The following LRP2 variants were observed in gnomAD, a reference collection of about 807,000 sequenced individuals.
The protein encoded by LRP2 is LDL receptor related protein 2.
A neutral mutation model predicts 531.0 loss-of-function variants in LRP2; 172 were observed. The observed-to-expected ratio is 0.32, with a 90% CI of 0.29 to 0.37. LRP2 has a LOEUF of 0.37. LRP2 is among the 10% of genes least tolerant of loss of function. The pLI is 1.00. For synonymous variants in LRP2, 1,992 were observed against 2,027.6 expected, an observed-to-expected ratio of 0.98 and a Z score of 0.47; for missense variants, 5,167 against 5,868.3, an observed-to-expected ratio of 0.88 and a Z score of 3.90.
chr2:169,259,494 C>T (rs1690453771), intron 16 of LRP2, among the ~76,000 whole-genome samples: 1 of 151,910 alleles, frequency 6.6e-6, no homozygotes, highest in South Asian at 2.1e-4. Context: ...GGATTTACTC[C>T]CATGTCCAAC....
chr2:169,262,929 A>G (rs1359684452), intron 16 of LRP2, among the ~76,000 whole-genome samples: 1 of 152,178 alleles, frequency 6.6e-6, no homozygotes, highest in African/African-American at 2.4e-5. Context: ...CAGAGCCCTC[A>G]GAAATAACGC....
At position 169,237,233 on chromosome 2, in the gene LRP2, G is replaced by A. The variant is rs755634495; in HGVS notation, c.4561C>T (p.Arg1521Cys). The A allele has an allele frequency of 1.2e-5, 20 of 1,613,740 alleles. No homozygotes were observed. The highest frequency in any genetic ancestry group is 2.2e-5 in the East Asian group (1 of 44,848). Reference sequence around the variant, plus strand: ...GCATAGTCTGTCCAGTAAAGATTACGACCTACCCAATCTATTGCAATAGTT... The same window carrying A: ...GCATAGTCTGTCCAGTAAAGATTACAACCTACCCAATCTATTGCAATAGTT... ...TETIAIDWVG[R>C]NLYWTDYALE... Residue 1521 changes from arginine to cysteine, a missense_variant, in exon 28 of 79, where the codon CGT becomes TGT. This residue lies in a region of LRP2 where 2,811 missense variants were observed against 3,058.0 expected (regional missense o/e 0.92). Transcript: ENST00000649046.
At chr2:169,157,747 A>C (rs1354139609) in intron 63 of LRP2, among the ~76,000 whole-genome samples, 2 of 152,002 alleles carry the variant, frequency 1.3e-5, no homozygotes, top group Non-Finnish European at 2.9e-5. Flanking sequence ...CATTATATGC[A>C]GCACTCCTAG....
At chr2:169,301,402 T>TA (rs5836230) in intron 4 of LRP2, among the ~76,000 whole-genome samples, 120 of 143,812 alleles carry the variant, frequency 8.3e-4, no homozygotes, top group East Asian at 1.6e-3. Context: ...CTCTGTTCCT[T>TA]AAAAAAAAAA....
At chr2:169,234,507 T>C (rs1411740556) in intron 29 of LRP2, among the ~76,000 whole-genome samples, 7 of 152,282 alleles carry the variant, frequency 4.6e-5, no homozygotes, top group African/African-American at 1.7e-4. Flanking sequence ...TAGTAGTCCA[T>C]GATGTATATG....
intron 1 of LRP2, among the ~76,000 whole-genome samples, chr2:169,322,979 G>A (rs1198473946): frequency 6.6e-6 from 1 of 152,046 alleles, no homozygotes; most frequent in Non-Finnish European, 1.5e-5. Context: ...GGAGTGGGGT[G>A]GGGGGATTTG....
At chr2:169,158,061 T>TATATACAC (rs71397692) in intron 63 of LRP2, among the ~76,000 whole-genome samples, 3 of 141,480 alleles carry the variant, frequency 2.1e-5, no homozygotes, top group African/African-American at 7.8e-5. Flanking sequence ...ATTGATTATA[T>TATATACAC]ACACACACAC....
intron 13 of LRP2, among the ~76,000 whole-genome samples, chr2:169,276,334 C>T (rs1683552467): frequency 6.6e-6 from 1 of 152,130 alleles, no homozygotes; most frequent in African/African-American, 2.4e-5. Flanking sequence ...TCTTCACAGC[C>T]AGCAAACCAC....
chr2:169,307,509 A>T (rs1486011098), intron 3 of LRP2, 112 bp from the exon 4 acceptor site: 2 of 725,040 alleles, frequency 2.8e-6, no homozygotes, highest in Non-Finnish European at 4.9e-6. Context: ...ACACAAGGTA[A>T]AGTACCTGGC....
At chr2:169,319,664 G>C (rs1428046475) in intron 2 of LRP2, among the ~76,000 whole-genome samples, 1 of 152,192 alleles carries the variant, frequency 6.6e-6, no homozygotes, top group Non-Finnish European at 1.5e-5. Flanking sequence ...GTTAGCACAT[G>C]ATTGTGTCTC....
At chr2:169,198,711 C>G in intron 45 of LRP2, 75 bp downstream of exon 45, 3 of 1,560,428 alleles carry the variant, frequency 1.9e-6, no homozygotes, top group Non-Finnish European at 2.6e-6. Context: ...CGAATACCCA[C>G]GCTTCATATC....
intron 1 of LRP2, among the ~76,000 whole-genome samples, chr2:169,352,447 C>G (rs1265068472): frequency 6.6e-6 from 1 of 152,164 alleles, no homozygotes; most frequent in Non-Finnish European, 1.5e-5. Context: ...TTAACTGCCA[C>G]TGAAGAAATT....
chr2:169,281,733 AAAAT>A (rs1201601000), intron 10 of LRP2, among the ~76,000 whole-genome samples: 2 of 151,646 alleles, frequency 1.3e-5, no homozygotes, highest in African/African-American at 2.4e-5. Context: ...TAAATAAATA[AAAAT>A]AAATAAATAA....
chr2:169,339,432 A>G (rs1412335380), intron 1 of LRP2, among the ~76,000 whole-genome samples: 2 of 152,214 alleles, frequency 1.3e-5, no homozygotes, highest in Non-Finnish European at 2.9e-5. Flanking sequence ...TCTATTCCAC[A>G]TGCGTTCAAA....
chr2:169,317,239 T>C (rs1684787368), intron 3 of LRP2, among the ~76,000 whole-genome samples: 1 of 152,204 alleles, frequency 6.6e-6, no homozygotes, highest in Non-Finnish European at 1.5e-5. Flanking sequence ...GTATTATTAT[T>C]AGCAAAGGGT....
At chr2:169,155,849 CTGGGCCTCAAATCTTA>C (rs1464467783) in intron 65 of LRP2, among the ~76,000 whole-genome samples, 2 of 152,130 alleles carry the variant, frequency 1.3e-5, no homozygotes, top group Admixed American at 1.3e-4. Flanking sequence ...TCTTGGACTA[CTGGGCCTCAAATCTTA>C]TTCTCAGTGG....
In LRP2 at chr2:169,339,652, T is replaced by C. The variant is rs187980497; in HGVS notation, c.80-18768A>G. ...AATCCAAAGAAGTTGATAGTGACAA[T>C]ATTTATTGAATCACTGAGTTGTACA... On this transcript the variant is annotated intron_variant, in intron 1 of 78. Coordinates refer to ENST00000649046, the MANE Select transcript of LRP2 (RefSeq NM_004525.3). Among the ~76,000 whole-genome samples, 8 of 152,318 alleles carry C rather than the reference T, an allele frequency of 5.3e-5. No individual in the cohort carries two copies. The East Asian group carries it at 1.3e-3, about 26-fold the overall frequency.
chr2:169,213,104 T>A (rs866521672), intron 36 of LRP2, among the ~76,000 whole-genome samples: 1 of 152,130 alleles, frequency 6.6e-6, no homozygotes, highest in Non-Finnish European at 1.5e-5. Context: ...AATACCTGTA[T>A]CATACCACTA....
chr2:169,233,535 A>G lies in LRP2; in HGVS notation c.4974T>C (p.Thr1658=), dbSNP rs1689489991. Residue 1658 remains threonine, a synonymous_variant, in exon 30 of 79, where the codon ACT becomes ACC. Transcript: ENST00000649046. The part of the protein sequence containing the change: ...LTLFEDSVYW[T]DRATRRVMRA... ...GCATAACCCGACGAGTAGCACGGTC[A>G]GTCCAGTACACAGAGTCTTCAAAGA... 6.2e-7 allele frequency: 1 copy of G among 1,614,062 alleles called. No individual in the cohort carries two copies. The highest frequency in any genetic ancestry group is 1.3e-5 in the African/African-American group (1 of 74,916).
Sources: gnomAD v4.1 joint callset for allele counts (sites outside exome capture counted in the v4.1 genomes callset) on GRCh38, gnomAD v4.1.1 for gene constraint, gnomAD v4.1.1 regional missense constraint, MANE v1.5 for transcripts, NCBI Gene and HGNC (gene_info 2026-07-23, HGNC 2026-07-21) for gene names.